APBB1IP: variants seen among roughly 807,000 people sequenced by gnomAD.
APBB1IP encodes amyloid beta precursor protein binding family B member 1 interacting protein.
Under a neutral mutation model 64.9 loss-of-function variants are expected in APBB1IP, and 27 were observed. That is an observed-to-expected ratio of 0.42 (90% CI 0.31 to 0.57). APBB1IP has a LOEUF of 0.57. Among genes scored for constraint, APBB1IP ranks in the 20% least tolerant of loss-of-function variants. The probability of loss-of-function intolerance (pLI) is 0.20; values close to 1 mark genes in which losing one functional copy is unlikely to be tolerated. For missense variants in APBB1IP, 812 were observed against 845.5 expected (o/e 0.96, Z 0.49); for synonymous variants, 392 against 331.0 (o/e 1.18, Z -2.00).
intron 2 of APBB1IP, among the ~76,000 whole-genome samples, chr10:26,489,801 G>A (rs1362711671): frequency 6.6e-6 from 1 of 152,196 alleles, no homozygotes; most frequent in Non-Finnish European, 1.5e-5. Context: ...CAGGTGGGTG[G>A]ATCACTTGAG....
At chr10:26,525,166 C>T (rs907651636) in intron 8 of APBB1IP, among the ~76,000 whole-genome samples, 5 of 151,686 alleles carry the variant, frequency 3.3e-5, no homozygotes, top group African/African-American at 1.2e-4. Context: ...CCTGTAGTCC[C>T]AGCCACTCAA....
chr10:26,447,215 A>T (rs1025411793), intron 2 of APBB1IP, among the ~76,000 whole-genome samples: 1 of 122,416 alleles, frequency 8.2e-6, no homozygotes, highest in African/African-American at 3.2e-5. Context: ...CTACTAAAAA[A>T]GTACAAAAAA....
At chr10:26,469,488 T>G (rs928974726) in intron 2 of APBB1IP, among the ~76,000 whole-genome samples, 1 of 152,142 alleles carries the variant, frequency 6.6e-6, no homozygotes, top group Non-Finnish European at 1.5e-5. Context: ...CAACCTCATG[T>G]GATCCATCTG....
chr10:26,551,709 A>C lies in APBB1IP; in HGVS notation c.1156-8396A>C, dbSNP rs542275320. 2.0e-5 allele frequency among the ~76,000 whole-genome samples: 3 copies of C among 152,278 alleles called. No individual in the cohort carries two copies. In the South Asian group the frequency reaches 6.2e-4, roughly 32 times the overall value. On this transcript the variant is annotated intron_variant, in intron 11 of 14. Coordinates refer to ENST00000376236, the MANE Select transcript of APBB1IP (RefSeq NM_019043.4). ...CTTACTCAGCTATATTTTTCTTTAC[A>C]GTATTTTTCACAATGAAAAATTATA...
intron 2 of APBB1IP, among the ~76,000 whole-genome samples, chr10:26,484,505 A>G (rs1022485373): frequency 4.3e-4 from 65 of 152,268 alleles, no homozygotes; most frequent in African/African-American, 1.5e-3. Context: ...GGGTTTCACC[A>G]TGCTGGCCAG....
At chr10:26,480,168 G>A (rs896212420) in intron 2 of APBB1IP, among the ~76,000 whole-genome samples, 2 of 152,170 alleles carry the variant, frequency 1.3e-5, no homozygotes, top group African/African-American at 4.8e-5. Flanking sequence ...ATTGGGACAT[G>A]AGATCTAATG....
chr10:26,507,884 A>G (rs1836203894), intron 6 of APBB1IP, among the ~76,000 whole-genome samples: 1 of 152,188 alleles, frequency 6.6e-6, no homozygotes. Flanking sequence ...GAGGGCAAGT[A>G]TTTCCTGCCA....
rs545251352 is a variant in APBB1IP, at chr10:26,521,046, C to T, written c.813+7386C>T. Among the ~76,000 whole-genome samples, 9 of 152,336 alleles carry T rather than the reference C, an allele frequency of 5.9e-5. No individual in the cohort carries two copies. In the South Asian group the frequency reaches 1.9e-3, roughly 32 times the overall value. ...CATTTGGGGAGGCAATAGGAGATCA[C>T]CCCATTTTAAATGAGAGAAAACAGA... On this transcript the variant is annotated intron_variant, in intron 8 of 14. Transcript: ENST00000376236.
chr10:26,534,797 G>A (rs1836599941), intron 9 of APBB1IP, among the ~76,000 whole-genome samples: 1 of 152,174 alleles, frequency 6.6e-6, no homozygotes, highest in African/African-American at 2.4e-5. Flanking sequence ...ATTCAGCGAT[G>A]TTTTACAGCT....
At chr10:26,455,198 G>A (rs1056642550) in intron 2 of APBB1IP, among the ~76,000 whole-genome samples, 1 of 152,124 alleles carries the variant, frequency 6.6e-6, no homozygotes, top group Non-Finnish European at 1.5e-5. Context: ...TATAAATATG[G>A]GCCATGGAGT....
intron 8 of APBB1IP, among the ~76,000 whole-genome samples, chr10:26,523,333 T>C (rs1026627886): frequency 1.3e-5 from 2 of 152,180 alleles, no homozygotes; most frequent in African/African-American, 2.4e-5. Context: ...GATAATTAGG[T>C]ACCTTCTATT....
rs566229794 is a variant in APBB1IP, at chr10:26,532,671, G to C, written c.814-768G>C. 5.9e-5 allele frequency among the ~76,000 whole-genome samples: 9 copies of C among 151,758 alleles called. 1 individual carries two copies. In the South Asian group the frequency reaches 1.9e-3, roughly 32 times the overall value. On this transcript the variant is annotated intron_variant, in intron 8 of 14. Coordinates refer to ENST00000376236, the MANE Select transcript of APBB1IP (RefSeq NM_019043.4). ...GCTAATTTTTTCATTATTATTTTTA[G>C]TAGAGACAGGGTCCTACTATGTTGC...
At chr10:26,508,004 C>G (rs1400648037) in intron 6 of APBB1IP, among the ~76,000 whole-genome samples, 3 of 152,092 alleles carry the variant, frequency 2.0e-5, no homozygotes, top group Non-Finnish European at 4.4e-5. Flanking sequence ...AAACAGAAGC[C>G]GCTCTGATCA....
intron 2 of APBB1IP, among the ~76,000 whole-genome samples, chr10:26,445,474 C>T (rs897741682): frequency 7.6e-6 from 1 of 132,436 alleles, no homozygotes; most frequent in Non-Finnish European, 1.6e-5. Context: ...TGGTCTCAAA[C>T]TCCTGGGCTC....
In APBB1IP at chr10:26,567,540, C is replaced by T; in HGVS notation, c.*52C>T. 6.6e-7 allele frequency: 1 copy of T among 1,513,204 alleles called. No individual in the cohort carries two copies. Among genetic ancestry groups the T allele is most frequent in the Non-Finnish European group, 9.0e-7 (1 of 1,114,792 alleles). 93.7% of individuals were successfully genotyped at this position (1,513,204 alleles called of 1,614,324 possible). A position where few individuals can be genotyped will look rare whatever the true frequency, so the allele number is the denominator to read the frequency against. ...GGAGAAGCATCGCTGACCCCGAGCG[C>T]AGGTTTTGCTAGCAGATTGCCCTGA... On this transcript the variant is annotated 3_prime_UTR_variant, in exon 15 of 15. Coordinates refer to ENST00000376236, the MANE Select transcript of APBB1IP (RefSeq NM_019043.4).
intron 8 of APBB1IP, among the ~76,000 whole-genome samples, chr10:26,531,559 C>T (rs1034978855): frequency 1.3e-5 from 2 of 150,106 alleles, no homozygotes; most frequent in Admixed American, 6.7e-5. Flanking sequence ...CCCAGCTACT[C>T]GGGAGGCTGA....
At chr10:26,469,442 G>T (rs1835690300) in intron 2 of APBB1IP, among the ~76,000 whole-genome samples, 1 of 151,216 alleles carries the variant, frequency 6.6e-6, no homozygotes, top group Non-Finnish European at 1.5e-5. Flanking sequence ...GTAGAGACTG[G>T]GTTTCACCAT....
At chr10:26,475,132 T>C (rs1293778632) in intron 2 of APBB1IP, among the ~76,000 whole-genome samples, 1 of 151,256 alleles carries the variant, frequency 6.6e-6, no homozygotes, top group African/African-American at 2.4e-5. Flanking sequence ...TTCTTTTTTT[T>C]TTTTTTTTGA....
intron 2 of APBB1IP, among the ~76,000 whole-genome samples, chr10:26,451,934 C>T (rs1033788974): frequency 1.3e-5 from 2 of 152,138 alleles, no homozygotes; most frequent in Non-Finnish European, 2.9e-5. Flanking sequence ...TATCAATTAT[C>T]AACACTTCCT....
Sources: gnomAD v4.1 joint callset for allele counts (sites outside exome capture counted in the v4.1 genomes callset) on GRCh38, gnomAD v4.1.1 for gene constraint, MANE v1.5 for transcripts, NCBI Gene and HGNC (gene_info 2026-07-23, HGNC 2026-07-21) for gene names.